PHF6: variants seen among roughly 807,000 people sequenced by gnomAD.
The protein encoded by PHF6 is PHD-like zinc finger protein.
In PHF6, 7 loss-of-function variants were observed where a neutral mutation model predicts 34.0. That is an observed-to-expected ratio of 0.21 (90% CI 0.12 to 0.39). The LOEUF (loss-of-function observed/expected upper bound fraction) is 0.39, where lower values mean the gene tolerates loss of function less well. Ranked by LOEUF, PHF6 falls within the 10% of genes least tolerant of loss-of-function variation. The pLI, the probability that PHF6 is intolerant of heterozygous loss-of-function variation, is 1.00. For missense variants in PHF6, 128 were observed against 262.8 expected, an observed-to-expected ratio of 0.49 and a Z score of 3.55; for synonymous variants, 89 against 88.4, an observed-to-expected ratio of 1.01 and a Z score of -0.04.
chrX:134,393,794 A>G, intron 4 of PHF6, 115 bp from the exon 5 acceptor site: 3 of 794,933 alleles, frequency 3.8e-6, no homozygotes, highest in Non-Finnish European at 5.6e-6. Context: ...AAGTTTAATA[A>G]TATATTTTGA....
At chrX:134,384,517 C>G (rs1158676491) in intron 3 of PHF6, among the ~76,000 whole-genome samples, 5 of 111,009 alleles carry the variant, frequency 4.5e-5, no homozygotes, top group African/African-American at 6.6e-5. Flanking sequence ...TCATTACCAC[C>G]CCGCCCACCA....
intron 9 of PHF6, among the ~76,000 whole-genome samples, chrX:134,423,294 C>T (rs1425278140): frequency 4.5e-5 from 5 of 111,942 alleles, no homozygotes; most frequent in Admixed American, 9.5e-5. Flanking sequence ...AGTCTAAATA[C>T]GGACATACTT....
chrX:134,404,431 A>T (rs1296966229), intron 5 of PHF6, among the ~76,000 whole-genome samples: 3 of 112,110 alleles, frequency 2.7e-5, no homozygotes, highest in Non-Finnish European at 5.6e-5. Flanking sequence ...CTTCTTATGG[A>T]TGAACAAAGA....
chrX:134,379,424 TTTC>T (rs1420208349), intron 3 of PHF6, among the ~76,000 whole-genome samples: 2 of 77,206 alleles, frequency 2.6e-5, no homozygotes, highest in Non-Finnish European at 4.5e-5. Context: ...TTTCTTTTCT[TTTC>T]TTTTCTTTTT....
At chrX:134,390,430 T>C (rs934259355) in intron 3 of PHF6, among the ~76,000 whole-genome samples, 1 of 112,319 alleles carries the variant, frequency 8.9e-6, no homozygotes, top group Non-Finnish European at 1.9e-5. Context: ...TTAAAAAAAT[T>C]ATCTGTCCTG....
At position 134,426,678 on chromosome X, in the gene PHF6, TTTC is replaced by T. The variant is rs2124262863; in HGVS notation, c.*1024_*1026del. Reference sequence around the variant, plus strand: ...ATAAAATAGGCTTTTGTGCCCTACTTTTCTTCTTGTAGGGCTTGGTGGTGTTTT... The same window carrying T: ...ATAAAATAGGCTTTTGTGCCCTACTTTTCTTGTAGGGCTTGGTGGTGTTTT... On this transcript the variant is annotated 3_prime_UTR_variant, in exon 11 of 11. Transcript: ENST00000370803. 6.2e-6 allele frequency: 1 copy of T among 160,793 alleles called. No homozygotes were observed. Among genetic ancestry groups the T allele is most frequent in the East Asian group, 9.2e-5 (1 of 10,812 alleles). The allele number at this position is 160,793 out of a possible 1,213,427, so 13.3% of individuals were successfully genotyped here. A position where few individuals can be genotyped will look rare whatever the true frequency, so the allele number is the denominator to read the frequency against.
chrX:134,396,154 T>C (rs2077376346), intron 5 of PHF6, among the ~76,000 whole-genome samples: 1 of 111,710 alleles, frequency 9.0e-6, no homozygotes, highest in African/African-American at 3.3e-5. Flanking sequence ...GTGAAATAAG[T>C]ACATCATGGA....
At chrX:134,417,967 G>T (rs762720919) in intron 9 of PHF6, 3 of 112,055 alleles carry the variant, frequency 2.7e-5, no homozygotes, top group Non-Finnish European at 5.6e-5. Context: ...ACATAGCAGC[G>T]TAAGTGTTCT....
intron 3 of PHF6, among the ~76,000 whole-genome samples, chrX:134,390,966 C>CTTTTTTTTTTCTTTTTTTTT (rs2077350821): frequency 1.1e-5 from 1 of 92,822 alleles, no homozygotes; most frequent in African/African-American, 3.9e-5. Flanking sequence ...TTCTTTTTTT[C>CTTTTTTTTTTCTTTTTTTTT]TTTTTTTTTT....
intron 5 of PHF6, among the ~76,000 whole-genome samples, chrX:134,399,696 C>CACACAG (rs1382172693): frequency 9.1e-6 from 1 of 109,994 alleles, no homozygotes; most frequent in Non-Finnish European, 1.9e-5. Context: ...GACACACACA[C>CACACAG]ACACACACAC....
At chrX:134,373,954 G>T (rs1373275077) in intron 1 of PHF6, among the ~76,000 whole-genome samples, 2 of 109,328 alleles carry the variant, frequency 1.8e-5, no homozygotes, top group African/African-American at 6.7e-5. Context: ...GGGGGAGGGG[G>T]CATAAAGAAA....
chrX:134,383,254 T>A (rs868236250), intron 3 of PHF6, among the ~76,000 whole-genome samples: 26 of 98,238 alleles, frequency 2.6e-4, no homozygotes, highest in South Asian at 1.0e-3. Context: ...AAAAAAAAAA[T>A]TTTTTTTTGC....
At chrX:134,394,741 G>A (rs1371059515) in intron 5 of PHF6, among the ~76,000 whole-genome samples, 11 of 109,840 alleles carry the variant, frequency 1.0e-4, no homozygotes, top group Non-Finnish European at 1.3e-4. Flanking sequence ...GGGTTTCACC[G>A]TGTTAGCCAG....
At chrX:134,403,330 A>G (rs776384513) in intron 5 of PHF6, among the ~76,000 whole-genome samples, 8 of 112,257 alleles carry the variant, frequency 7.1e-5, no homozygotes, top group African/African-American at 2.6e-4. Context: ...TAGTCTGGAT[A>G]GAAGATCAAA....
intron 3 of PHF6, among the ~76,000 whole-genome samples, chrX:134,382,506 A>AAT (rs1329447365): frequency 9.1e-6 from 1 of 109,621 alleles, no homozygotes; most frequent in Non-Finnish European, 1.9e-5. Context: ...CCGTTTCTGG[A>AAT]TGAAGCTAGC....
At chrX:134,417,107 A>G (rs2077475022) in intron 8 of PHF6, 62 bp from the exon 9 acceptor site, 2 of 1,155,471 alleles carry the variant, frequency 1.7e-6, no homozygotes, top group Non-Finnish European at 2.4e-6. Flanking sequence ...CTCTTTTTCA[A>G]TAGAAAATAG....
chrX:134,391,723 A>T (rs917643631), intron 3 of PHF6, among the ~76,000 whole-genome samples: 1 of 112,097 alleles, frequency 8.9e-6, no homozygotes, highest in African/African-American at 3.2e-5. Context: ...GCAAAATAGT[A>T]TGTGTAGAAT....
chrX:134,396,126 T>C (rs2077376105), intron 5 of PHF6, among the ~76,000 whole-genome samples: 1 of 111,652 alleles, frequency 9.0e-6, no homozygotes, highest in African/African-American at 3.3e-5. Context: ...ATGAGATATT[T>C]TGATACAGGC....
chrX:134,390,016 T>TATAAAG (rs58207898), intron 3 of PHF6, among the ~76,000 whole-genome samples: 33,043 of 109,978 alleles, frequency 0.3, 4,286 homozygotes, highest in East Asian at 0.64. Context: ...TTTATGTATT[T>TATAAAG]ATAATCAGCC....
Sources: gnomAD v4.1 joint callset for allele counts (sites outside exome capture counted in the v4.1 genomes callset) on GRCh38, gnomAD v4.1.1 for gene constraint, MANE v1.5 for transcripts, NCBI Gene and HGNC (gene_info 2026-07-23, HGNC 2026-07-21) for gene names.